The following TTC29 variants were observed in gnomAD, a reference collection of about 807,000 sequenced individuals.
TTC29 encodes tetratricopeptide repeat protein 29.
A neutral mutation model predicts 58.1 loss-of-function variants in TTC29; 49 were observed. That is an observed-to-expected ratio of 0.84 (90% CI 0.67 to 1.07). The LOEUF is 1.07. Among genes scored for constraint, TTC29 ranks in the 50% least tolerant of loss-of-function variants. The pLI, the probability that TTC29 is intolerant of heterozygous loss-of-function variation, is 0.00. For synonymous variants in TTC29, 209 were observed against 196.8 expected, an observed-to-expected ratio of 1.06 and a Z score of -0.52; for missense variants, 582 against 555.6, an observed-to-expected ratio of 1.05 and a Z score of -0.48.
intron 11 of TTC29, among the ~76,000 whole-genome samples, chr4:146,731,573 G>A (rs1422742816): frequency 6.6e-6 from 1 of 152,108 alleles, no homozygotes; most frequent in African/African-American, 2.4e-5. Flanking sequence ...GGACCACAGA[G>A]TTTAAGCTGC....
At chr4:146,803,001 C>A (rs1561139257) in intron 11 of TTC29, among the ~76,000 whole-genome samples, 1 of 152,118 alleles carries the variant, frequency 6.6e-6, no homozygotes, top group African/African-American at 2.4e-5. Context: ...AGAAAGATTA[C>A]TACCAACTAT....
chr4:146,811,556 ATG>A (rs1256688434), intron 10 of TTC29, among the ~76,000 whole-genome samples: 7 of 152,140 alleles, frequency 4.6e-5, no homozygotes, highest in African/African-American at 1.7e-4. Flanking sequence ...AAAAACATGC[ATG>A]TGCACTCTTT....
chr4:146,790,064 T>G (rs1480846644), intron 11 of TTC29, among the ~76,000 whole-genome samples: 1 of 152,210 alleles, frequency 6.6e-6, no homozygotes, highest in Non-Finnish European at 1.5e-5. Context: ...TCTGGATATC[T>G]TCTCCCCACC....
intron 11 of TTC29, among the ~76,000 whole-genome samples, chr4:146,768,997 A>G (rs958606241): frequency 6.6e-6 from 1 of 152,034 alleles, no homozygotes; most frequent in Non-Finnish European, 1.5e-5. Context: ...TATTTGCCAT[A>G]GCAAACACTG....
intron 11 of TTC29, among the ~76,000 whole-genome samples, chr4:146,798,180 G>A (rs1047958277): frequency 2.0e-5 from 3 of 152,014 alleles, no homozygotes; most frequent in Non-Finnish European, 4.4e-5. Context: ...ATTTAGGAGG[G>A]AAGAGGTAGC....
intron 4 of TTC29, among the ~76,000 whole-genome samples, chr4:146,910,729 G>T (rs948438608): frequency 6.6e-6 from 1 of 152,160 alleles, no homozygotes; most frequent in Non-Finnish European, 1.5e-5. Context: ...CTATATGGCA[G>T]TCAGGTTGTT....
Position 146,809,389 on chromosome 4 carries a change from G to A in TTC29, c.1102-5704C>T, listed in dbSNP as rs1481407336. On this transcript the variant is annotated intron_variant, in intron 10 of 12. Coordinates refer to ENST00000325106, the MANE Select transcript of TTC29 (RefSeq NM_031956.4). ...AACAAAAGCCAAAATTGACAAATGG[G>A]ATCTAATTAAACTAAAGAGCTTCTG... Among the ~76,000 whole-genome samples the A allele has an allele frequency of 1.3e-5, 2 of 149,992 alleles. 1 individual carries two copies. The highest frequency in any genetic ancestry group is 3.0e-5 in the Non-Finnish European group (2 of 67,664).
chr4:146,799,740 T>C (rs758225206), intron 11 of TTC29, among the ~76,000 whole-genome samples: 5 of 152,252 alleles, frequency 3.3e-5, no homozygotes, highest in South Asian at 2.1e-4. Context: ...ATGTTACTGA[T>C]ATAATTATTA....
At chr4:146,711,827 A>T (rs1742514262) in intron 11 of TTC29, among the ~76,000 whole-genome samples, 1 of 152,086 alleles carries the variant, frequency 6.6e-6, no homozygotes, top group Non-Finnish European at 1.5e-5. Context: ...AATCATATAA[A>T]ATTACTCTGG....
intron 11 of TTC29, among the ~76,000 whole-genome samples, chr4:146,732,667 A>T (rs1054251609): frequency 6.6e-6 from 1 of 152,180 alleles, no homozygotes; most frequent in Non-Finnish European, 1.5e-5. Context: ...GAGAGAAGAA[A>T]ATATTGGAAG....
chr4:146,878,249 T>C (rs1001534554), intron 6 of TTC29, among the ~76,000 whole-genome samples: 2 of 152,194 alleles, frequency 1.3e-5, no homozygotes, highest in African/African-American at 4.8e-5. Flanking sequence ...CTAGTATCAA[T>C]ATACTACTTA....
At chr4:146,893,694 A>G (rs1321604594) in intron 6 of TTC29, among the ~76,000 whole-genome samples, 1 of 152,224 alleles carries the variant, frequency 6.6e-6, no homozygotes, top group Admixed American at 6.5e-5. Flanking sequence ...GGATCTAATT[A>G]AACTAAAGAG....
intron 9 of TTC29, among the ~76,000 whole-genome samples, chr4:146,822,194 T>C (rs927558116): frequency 1.3e-5 from 2 of 151,006 alleles, no homozygotes; most frequent in African/African-American, 4.8e-5. Flanking sequence ...CCATGGTGGT[T>C]TGCTGCACCT....
intron 4 of TTC29, among the ~76,000 whole-genome samples, chr4:146,914,618 T>G (rs1253067965): frequency 1.3e-5 from 2 of 152,172 alleles, no homozygotes; most frequent in African/African-American, 2.4e-5. Flanking sequence ...GTGGACATGC[T>G]GAATGTATCC....
intron 11 of TTC29, among the ~76,000 whole-genome samples, chr4:146,801,978 CAAAAAAAAAAAAAA>C (rs57486017): frequency 1.5e-3 from 60 of 38,806 alleles, no homozygotes; most frequent in Admixed American, 2.6e-3. Context: ...GACTCTGTCT[CAAAAAAAAAAAAAA>C]AAAAAAAAAA....
At chr4:146,814,851 A>G (rs543263588) in intron 10 of TTC29, among the ~76,000 whole-genome samples, 2 of 152,276 alleles carry the variant, frequency 1.3e-5, no homozygotes, top group South Asian at 4.1e-4. Flanking sequence ...GAAGCCAGCA[A>G]TGTGAAGTTC....
intron 11 of TTC29, among the ~76,000 whole-genome samples, chr4:146,760,852 A>G (rs1301852790): frequency 7.7e-6 from 1 of 130,334 alleles, no homozygotes. Context: ...TACTATATAT[A>G]TATGATGGAA....
chr4:146,852,802 T>C, intron 8 of TTC29, among the ~76,000 whole-genome samples: 1 of 152,232 alleles, frequency 6.6e-6, no homozygotes, highest in Non-Finnish European at 1.5e-5. Context: ...AACATAATTA[T>C]TACCATTTTT....
chr4:146,810,559 T>C (rs1202625233), intron 10 of TTC29, among the ~76,000 whole-genome samples: 5 of 151,842 alleles, frequency 3.3e-5, no homozygotes, highest in Non-Finnish European at 5.9e-5. Context: ...GAGTTGGATT[T>C]AGCTAATGAA....
Sources: allele counts gnomAD v4.1 joint callset (sites outside exome capture counted in the v4.1 genomes callset), GRCh38; gene constraint gnomAD v4.1.1; transcripts MANE v1.5; gene names NCBI Gene and HGNC (gene_info 2026-07-23, HGNC 2026-07-21).